SMIM10L2A: variants seen among roughly 807,000 people sequenced by gnomAD.
The protein encoded by SMIM10L2A is small integral membrane protein 10-like protein 2A.
In SMIM10L2A, 2 loss-of-function variants were observed where a neutral mutation model predicts 3.0. The ratio of observed to expected loss-of-function variants is 0.66; its 90% confidence interval spans 0.27 to 2.08. The LOEUF is 2.08. SMIM10L2A is among the 30% of genes most tolerant of loss of function. The pLI is 0.14. For synonymous variants in SMIM10L2A, 29 were observed against 34.8 expected, an observed-to-expected ratio of 0.83 and a Z score of 0.58; for missense variants, 59 against 66.5, an observed-to-expected ratio of 0.89 and a Z score of 0.39.
In SMIM10L2A at chrX:135,427,128, T is replaced by A. The variant is rs2085155846; in HGVS notation, c.*3858T>A. Reference sequence around the variant, plus strand: ...CACACAACCACCTAACCATTATCCCTGTTTTACAGAGAAACCAAAGACAGG... The same window carrying A: ...CACACAACCACCTAACCATTATCCCAGTTTTACAGAGAAACCAAAGACAGG... On this transcript the variant is annotated 3_prime_UTR_variant, in exon 2 of 2. Transcript: ENST00000417443. 1 of 112,578 alleles carries A rather than the reference T, an allele frequency of 8.9e-6. No individual in the cohort carries two copies. The highest frequency in any genetic ancestry group is 9.3e-5 in the Admixed American group (1 of 10,712). The allele number at this position is 112,578 out of a possible 1,213,427, so 9.3% of individuals were successfully genotyped here.
Position 135,422,387 on chromosome X carries a change from G to T in SMIM10L2A, c.*19G>T. 1.9e-6 allele frequency: 1 copy of T among 537,967 alleles called. No individual in the cohort carries two copies. The highest frequency in any genetic ancestry group is 6.5e-4 in the Middle Eastern group (1 of 1,550). 44.3% of individuals were successfully genotyped at this position (537,967 alleles called of 1,213,427 possible). On this transcript the variant is annotated 3_prime_UTR_variant, in exon 1 of 2. Coordinates refer to ENST00000417443, the MANE Select transcript of SMIM10L2A (RefSeq NM_203306.3). ...CGAGTGAGCGCCGGCGGCGGCGGCG[G>T]CGAAGGCCCGGCTGAAGGGGCGCCC...
In SMIM10L2A at chrX:135,427,795, T is replaced by C. The variant is rs1375198902; in HGVS notation, c.*4525T>C. On this transcript the variant is annotated 3_prime_UTR_variant, in exon 2 of 2. Coordinates refer to ENST00000417443, the MANE Select transcript of SMIM10L2A (RefSeq NM_203306.3). ...TTGGTTGTTTTTCTTTGTTGTCATT[T>C]ATTTTGGTGGGGGTTGGTTTGCTTT... 3.6e-5 allele frequency: 4 copies of C among 112,477 alleles called. No individual in the cohort carries two copies. Among genetic ancestry groups the C allele is most frequent in the Admixed American group, 9.4e-5 (1 of 10,649 alleles). The allele number at this position is 112,477 out of a possible 1,213,427, so 9.3% of individuals were successfully genotyped here. A position where few individuals can be genotyped will look rare whatever the true frequency, so the allele number is the denominator to read the frequency against.
chrX:135,424,988 TG>T lies in SMIM10L2A; in HGVS notation c.*1723del, dbSNP rs2148518593. The stretch of plus-strand genomic sequence containing the variant: ...CCTGCTGGTCCCCCCAACAGATCTT[TG>T]GGGGCAGCCTCTATGGGACAAGAGT... On this transcript the variant is annotated 3_prime_UTR_variant, in exon 2 of 2. Coordinates refer to ENST00000417443, the MANE Select transcript of SMIM10L2A (RefSeq NM_203306.3). 1 of 111,674 alleles carries T rather than the reference TG, an allele frequency of 9.0e-6. No individual in the cohort carries two copies. The highest frequency in any genetic ancestry group is 9.3e-5 in the Admixed American group (1 of 10,714). 9.2% of individuals were successfully genotyped at this position (111,674 alleles called of 1,213,427 possible). A position where few individuals can be genotyped will look rare whatever the true frequency, so the allele number is the denominator to read the frequency against.
Position 135,422,395 on chromosome X carries a change from C to A in SMIM10L2A, c.*27C>A. The A allele has an allele frequency of 4.1e-6, 2 of 488,102 alleles. No homozygotes were observed. The highest frequency in any genetic ancestry group is 6.0e-6 in the Non-Finnish European group (2 of 334,090). 40.2% of individuals were successfully genotyped at this position (488,102 alleles called of 1,213,427 possible). A position where few individuals can be genotyped will look rare whatever the true frequency, so the allele number is the denominator to read the frequency against. On this transcript the variant is annotated 3_prime_UTR_variant, in exon 1 of 2. Transcript: ENST00000417443. ...CGCCGGCGGCGGCGGCGGCGAAGGCCCGGCTGAAGGGGCGCCCGTGTCCCC... is the reference window on the plus strand; with the variant it reads ...CGCCGGCGGCGGCGGCGGCGAAGGCACGGCTGAAGGGGCGCCCGTGTCCCC...
Position 135,427,368 on chromosome X carries a change from C to G in SMIM10L2A, c.*4098C>G, listed in dbSNP as rs1223555523. The G allele has an allele frequency of 8.9e-6, 1 of 111,946 alleles. No homozygotes were observed. Among genetic ancestry groups the G allele is most frequent in the East Asian group, 2.8e-4 (1 of 3,565 alleles). 9.2% of individuals were successfully genotyped at this position (111,946 alleles called of 1,213,427 possible). ...TCCAAATGGAACTCCCCAGTGGGAG[C>G]AGCTGTGGCCACCCTGAGATGGGTC... On this transcript the variant is annotated 3_prime_UTR_variant, in exon 2 of 2. Transcript: ENST00000417443.
In SMIM10L2A at chrX:135,426,126, A is replaced by G. The variant is rs782674925; in HGVS notation, c.*2856A>G. On this transcript the variant is annotated 3_prime_UTR_variant, in exon 2 of 2. Coordinates refer to ENST00000417443, the MANE Select transcript of SMIM10L2A (RefSeq NM_203306.3). ...GGTGGACTAGGGTGAAGTGAACTGAAACAGACTCGACACAGGTCATTTTGT... is the reference window on the plus strand; with the variant it reads ...GGTGGACTAGGGTGAAGTGAACTGAGACAGACTCGACACAGGTCATTTTGT... 1 of 111,905 alleles carries G rather than the reference A, an allele frequency of 8.9e-6. No individual in the cohort carries two copies. Among genetic ancestry groups the G allele is most frequent in the Non-Finnish European group, 1.9e-5 (1 of 53,128 alleles). 9.2% of individuals were successfully genotyped at this position (111,905 alleles called of 1,213,427 possible).
At chrX:135,422,914 A>C (rs1292558848) in intron 1 of SMIM10L2A, among the ~76,000 whole-genome samples, 184 bp downstream of exon 1, 4 of 112,229 alleles carry the variant, frequency 3.6e-5, no homozygotes, top group Non-Finnish European at 5.7e-5. Flanking sequence ...TCATGATTGC[A>C]GGATAGGGTG....
chrX:135,424,654 C>A lies in SMIM10L2A; in HGVS notation c.*1384C>A, dbSNP rs1367444574. On this transcript the variant is annotated 3_prime_UTR_variant, in exon 2 of 2. Transcript: ENST00000417443. ...GCATCTCTTGCACTGGTACCCCGGG[C>A]GCCACGTTCTCAGTTCCTGGGACTG... 2 of 111,603 alleles carry A rather than the reference C, an allele frequency of 1.8e-5. No individual in the cohort carries two copies. The highest frequency in any genetic ancestry group is 1.9e-4 in the Admixed American group (2 of 10,621). 9.2% of individuals were successfully genotyped at this position (111,603 alleles called of 1,213,427 possible). A position where few individuals can be genotyped will look rare whatever the true frequency, so the allele number is the denominator to read the frequency against.
In SMIM10L2A at chrX:135,422,210, G is replaced by T. The variant is rs781784491; in HGVS notation, c.79G>T (p.Ala27Ser). The change falls in exon 1 of 2, where the codon GCT becomes TCT. Residue 27 changes from alanine (A) to serine (S), a missense_variant. Ala to Ser is a moderately conservative substitution (Grantham distance 99). Transcript: ENST00000417443. ...SGLAVRLSRS[A>S]AARGSYGAFC... Reference sequence around the variant, plus strand: ...CCTGGCGGTGCGGCTGTCGCGCTCAGCTGCGGCCCGAGGCTCGTACGGCGC... The same window carrying T: ...CCTGGCGGTGCGGCTGTCGCGCTCATCTGCGGCCCGAGGCTCGTACGGCGC... The T allele has an allele frequency of 3.1e-5, 32 of 1,021,886 alleles. No individual in the cohort carries two copies. In the South Asian group the frequency reaches 6.8e-4, roughly 22 times the overall value. The allele number at this position is 1,021,886 out of a possible 1,213,427, so 84.2% of individuals were successfully genotyped here.
At chrX:135,423,069 C>T (rs2085138387) in intron 1 of SMIM10L2A, among the ~76,000 whole-genome samples, 1 of 112,300 alleles carries the variant, frequency 8.9e-6, no homozygotes, top group Non-Finnish European at 1.9e-5. Context: ...ATGCCCCCAC[C>T]CTTCTCTTCC....
Position 135,422,170 on chromosome X carries a change from G to T in SMIM10L2A, c.39G>T (p.Ala13=), listed in dbSNP as rs1602712910. ...CGGCTCTGTCTGCAGCGGCGGCTGCGGCGGCCCTGTCTGGCCTGGCGGTGC... is the reference window on the plus strand; with the variant it reads ...CGGCTCTGTCTGCAGCGGCGGCTGCTGCGGCCCTGTCTGGCCTGGCGGTGC... ...ASAALSAAAA[A]AALSGLAVRL... is the part of the protein sequence containing the mutation. Residue 13 remains alanine, a synonymous_variant, in exon 1 of 2, where the codon GCG becomes GCT. Coordinates refer to ENST00000417443, the MANE Select transcript of SMIM10L2A (RefSeq NM_203306.3). The T allele has an allele frequency of 3.1e-5, 25 of 818,736 alleles. No individual in the cohort carries two copies. The South Asian group carries it at 7.3e-4, about 24-fold the overall frequency. The allele number at this position is 818,736 out of a possible 1,213,427, so 67.5% of individuals were successfully genotyped here.
In SMIM10L2A at chrX:135,425,298, C is replaced by T. The variant is rs1428022179; in HGVS notation, c.*2028C>T. On this transcript the variant is annotated 3_prime_UTR_variant, in exon 2 of 2. Transcript: ENST00000417443. ...CCGCAGGGGTCTCTGCCCTCAAAGA[C>T]CCCCCACTGCAGGGAGCCCCACCCC... 1.8e-5 allele frequency: 2 copies of T among 112,129 alleles called. No individual in the cohort carries two copies. The highest frequency in any genetic ancestry group is 3.2e-5 in the African/African-American group (1 of 30,800). 9.2% of individuals were successfully genotyped at this position (112,129 alleles called of 1,213,427 possible). A position where few individuals can be genotyped will look rare whatever the true frequency, so the allele number is the denominator to read the frequency against.
Position 135,426,826 on chromosome X carries a change from G to C in SMIM10L2A, c.*3556G>C, listed in dbSNP as rs1783802946. 3 of 91,525 alleles carry C rather than the reference G, an allele frequency of 3.3e-5. No individual in the cohort carries two copies. Among genetic ancestry groups the C allele is most frequent in the Admixed American group, 3.2e-4 (3 of 9,266 alleles). The allele number at this position is 91,525 out of a possible 1,213,427, so 7.5% of individuals were successfully genotyped here. A position where few individuals can be genotyped will look rare whatever the true frequency, so the allele number is the denominator to read the frequency against. On this transcript the variant is annotated 3_prime_UTR_variant, in exon 2 of 2. Coordinates refer to ENST00000417443, the MANE Select transcript of SMIM10L2A (RefSeq NM_203306.3). ...GTTCTGCTCCGATGGGACTCCAGGA[G>C]ACCAAAGCCCTGAGCCCTGAGCCCA...
Position 135,426,250 on chromosome X carries a change from C to T in SMIM10L2A, c.*2980C>T, listed in dbSNP as rs1556471628. 2.7e-5 allele frequency: 3 copies of T among 111,522 alleles called. No homozygotes were observed. In the East Asian group the frequency reaches 8.5e-4, roughly 32 times the overall value. The allele number at this position is 111,522 out of a possible 1,213,427, so 9.2% of individuals were successfully genotyped here. A position where few individuals can be genotyped will look rare whatever the true frequency, so the allele number is the denominator to read the frequency against. ...CTTGGAGAAGATAAAGGACCTGGCC[C>T]TGGAAGCCTGCTTCCCTTTCCCAAC... On this transcript the variant is annotated 3_prime_UTR_variant, in exon 2 of 2. Transcript: ENST00000417443.
Position 135,421,954 on chromosome X carries a change from G to C in SMIM10L2A, c.-178G>C, listed in dbSNP as rs1271299283. ...TGGAGGGGGCGGCGTGTGCGGGATC[G>C]TGGAGGTGGGGCCGAGGCAGCGGCC... On this transcript the variant is annotated 5_prime_UTR_variant, in exon 1 of 2. Coordinates refer to ENST00000417443, the MANE Select transcript of SMIM10L2A (RefSeq NM_203306.3). The C allele has an allele frequency of 1.7e-3, 392 of 235,708 alleles. 3 individuals are homozygous for C. Among genetic ancestry groups the C allele is most frequent in the Non-Finnish European group, 2.5e-3 (327 of 131,812 alleles). 19.4% of individuals were successfully genotyped at this position (235,708 alleles called of 1,213,427 possible).
Position 135,424,003 on chromosome X carries a change from G to A in SMIM10L2A, c.*733G>A, listed in dbSNP as rs1460533445. 4 of 112,172 alleles carry A rather than the reference G, an allele frequency of 3.6e-5. No individual in the cohort carries two copies. The Admixed American group carries it at 3.7e-4, about 10-fold the overall frequency. 9.2% of individuals were successfully genotyped at this position (112,172 alleles called of 1,213,427 possible). A position where few individuals can be genotyped will look rare whatever the true frequency, so the allele number is the denominator to read the frequency against. On this transcript the variant is annotated 3_prime_UTR_variant, in exon 2 of 2. Coordinates refer to ENST00000417443, the MANE Select transcript of SMIM10L2A (RefSeq NM_203306.3). Reference sequence around the variant, plus strand: ...AGGAGGAGGAACTGCGTGTGCCCCTGGGCCTGCAGGCCCCCACACCCCTCC... The same window carrying A: ...AGGAGGAGGAACTGCGTGTGCCCCTAGGCCTGCAGGCCCCCACACCCCTCC...
At position 135,424,275 on chromosome X, in the gene SMIM10L2A, A is replaced by T. The variant is rs1427658367; in HGVS notation, c.*1005A>T. 3.6e-5 allele frequency: 4 copies of T among 110,563 alleles called. No homozygotes were observed. The highest frequency in any genetic ancestry group is 1.3e-4 in the African/African-American group (4 of 30,279). The allele number at this position is 110,563 out of a possible 1,213,427, so 9.1% of individuals were successfully genotyped here. On this transcript the variant is annotated 3_prime_UTR_variant, in exon 2 of 2. Transcript: ENST00000417443. ...GCTGTCCCCCACATCCTAGCCTCTC[A>T]CCCCACCTGGAGCTTCACCAAGGGC...
At chrX:135,423,136 G>GTTCTC (rs2085138656) in intron 1 of SMIM10L2A, among the ~76,000 whole-genome samples, 3 of 112,313 alleles carry the variant, frequency 2.7e-5, no homozygotes, top group African/African-American at 6.5e-5. Flanking sequence ...CCCCATATCT[G>GTTCTC]TTCTCAGCCC....
Position 135,422,372 on chromosome X carries a change from C to CCGGCGG in SMIM10L2A, c.*16_*21dup, listed in dbSNP as rs1218910926. 3.4e-5 allele frequency: 22 copies of CCGGCGG among 644,215 alleles called. No homozygotes were observed. Among genetic ancestry groups the CCGGCGG allele is most frequent in the East Asian group, 1.9e-4 (4 of 21,606 alleles). The allele number at this position is 644,215 out of a possible 1,213,427, so 53.1% of individuals were successfully genotyped here. On this transcript the variant is annotated 3_prime_UTR_variant, in exon 1 of 2. Transcript: ENST00000417443. ...CCTGCAGGTGCGGATCGAGTGAGCG[C>CCGGCGG]CGGCGGCGGCGGCGGCGAAGGCCCG... is the stretch of plus-strand genomic sequence containing the variant.
Sources: gnomAD v4.1 joint callset for allele counts (sites outside exome capture counted in the v4.1 genomes callset) on GRCh38, gnomAD v4.1.1 for gene constraint, MANE v1.5 for transcripts, NCBI Gene and HGNC (gene_info 2026-07-23, HGNC 2026-07-21) for gene names.